The following LCLAT1 variants were observed in gnomAD, a reference collection of about 807,000 sequenced individuals.
LCLAT1 encodes the protein 1-AGP acyltransferase 8.
In LCLAT1, 11 loss-of-function variants were observed where a neutral mutation model predicts 30.7. The ratio of observed to expected loss-of-function variants is 0.36; its 90% CI spans 0.23 to 0.59. LCLAT1 has a LOEUF of 0.59. Among genes scored for constraint, LCLAT1 ranks in the 20% least tolerant of loss-of-function variants. The pLI is 0.77. For synonymous variants in LCLAT1, 155 were observed against 151.3 expected, an observed-to-expected ratio of 1.02 and a Z score of -0.18; for missense variants, 402 against 458.6, an observed-to-expected ratio of 0.88 and a Z score of 1.13.
At chr2:30,577,252 C>T (rs545087823) in intron 5 of LCLAT1, among the ~76,000 whole-genome samples, 17 of 152,080 alleles carry the variant, frequency 1.1e-4, no homozygotes, top group South Asian at 4.1e-4. Context: ...GTTGGCTACT[C>T]GGCACTGCAT....
intron 1 of LCLAT1, among the ~76,000 whole-genome samples, chr2:30,494,853 G>T: frequency 6.8e-6 from 1 of 146,216 alleles, no homozygotes; most frequent in Non-Finnish European, 1.5e-5. Context: ...ATTTATCACT[G>T]ATTTTTCTGT....
intron 3 of LCLAT1, among the ~76,000 whole-genome samples, chr2:30,534,271 G>A (rs1490839714): frequency 1.6e-5 from 2 of 124,798 alleles, no homozygotes; most frequent in South Asian, 2.5e-4. Flanking sequence ...GTGTGTGTGT[G>A]TGTTTGGGAG....
chr2:30,449,564 G>A (rs1014097743), intron 1 of LCLAT1, among the ~76,000 whole-genome samples: 8 of 151,084 alleles, frequency 5.3e-5, no homozygotes, highest in African/African-American at 1.5e-4. Flanking sequence ...GCAATGGCAC[G>A]ATCTCGGCTC....
At chr2:30,559,356 A>T (rs951077822) in intron 3 of LCLAT1, among the ~76,000 whole-genome samples, 1 of 152,212 alleles carries the variant, frequency 6.6e-6, no homozygotes, top group Non-Finnish European at 1.5e-5. Context: ...CTCTATAAAA[A>T]TGTTTAAAAA....
chr2:30,578,881 A>G (rs977743599), intron 5 of LCLAT1, among the ~76,000 whole-genome samples: 6 of 152,174 alleles, frequency 3.9e-5, no homozygotes, highest in African/African-American at 1.4e-4. Context: ...TGACCACAAC[A>G]AGTTCATAAT....
chr2:30,547,940 T>A (rs1664501962), intron 3 of LCLAT1, among the ~76,000 whole-genome samples: 1 of 152,166 alleles, frequency 6.6e-6, no homozygotes, highest in African/African-American at 2.4e-5. Context: ...TTAATGCTAG[T>A]CATGAATGAA....
intron 1 of LCLAT1, among the ~76,000 whole-genome samples, chr2:30,496,160 T>A (rs574431301): frequency 6.6e-6 from 1 of 152,190 alleles, no homozygotes; most frequent in African/African-American, 2.4e-5. Context: ...CATGAGAACT[T>A]ACTCACTATT....
intron 1 of LCLAT1, among the ~76,000 whole-genome samples, chr2:30,478,693 A>T (rs1356313227): frequency 6.9e-6 from 1 of 145,396 alleles, no homozygotes; most frequent in Non-Finnish European, 1.5e-5. Flanking sequence ...ATAGATAGGT[A>T]GGTAGGTAGG....
chr2:30,464,015 T>C (rs1434230855), intron 1 of LCLAT1, among the ~76,000 whole-genome samples: 2 of 152,224 alleles, frequency 1.3e-5, no homozygotes, highest in East Asian at 3.8e-4. Flanking sequence ...TATATGTGTT[T>C]TATAATTTGC....
chr2:30,586,814 G>A (rs1280598994), intron 5 of LCLAT1, among the ~76,000 whole-genome samples: 5 of 151,926 alleles, frequency 3.3e-5, no homozygotes, highest in African/African-American at 1.2e-4. Flanking sequence ...TTGTTCAAAT[G>A]TCTTTAGTCT....
At chr2:30,448,391 C>T (rs1035277802) in intron 1 of LCLAT1, among the ~76,000 whole-genome samples, 1 of 152,146 alleles carries the variant, frequency 6.6e-6, no homozygotes, top group Non-Finnish European at 1.5e-5. Flanking sequence ...TACATCATCA[C>T]TTTTTCGTTT....
chr2:30,605,851 G>GT (rs1558551083), intron 5 of LCLAT1, among the ~76,000 whole-genome samples: 1 of 152,092 alleles, frequency 6.6e-6, no homozygotes, highest in Non-Finnish European at 1.5e-5. Flanking sequence ...CGGGGAGGGA[G>GT]TGGGGGGATG....
chr2:30,463,668 G>C (rs763665595), intron 1 of LCLAT1, among the ~76,000 whole-genome samples: 1 of 152,052 alleles, frequency 6.6e-6, no homozygotes, highest in East Asian at 1.9e-4. Flanking sequence ...GAGTAATTTA[G>C]AGATAAAGTA....
chr2:30,634,540 C>A lies in LCLAT1; in HGVS notation c.629-5577C>A, dbSNP rs531225705. On this transcript the variant is annotated intron_variant, in intron 5 of 5. Coordinates refer to ENST00000379509, the MANE Select transcript of LCLAT1 (RefSeq NM_001002257.3). ...ACTCGGGAGGCTGAGGCAGGAGAAT[C>A]ACTTGAACCCAGGAGTGGAGGTTGC... Among the ~76,000 whole-genome samples the A allele has an allele frequency of 2.6e-5, 4 of 152,270 alleles. No homozygotes were observed. In the South Asian group the frequency reaches 8.3e-4, roughly 32 times the overall value.
chr2:30,481,466 G>C (rs1287247551), intron 1 of LCLAT1, among the ~76,000 whole-genome samples: 1 of 92,098 alleles, frequency 1.1e-5, no homozygotes, highest in East Asian at 4.5e-4. Context: ...TGGTAGAGGA[G>C]GGGGAGCCAA....
intron 3 of LCLAT1, among the ~76,000 whole-genome samples, chr2:30,545,623 G>C (rs1002483601): frequency 1.4e-4 from 21 of 150,090 alleles, no homozygotes; most frequent in Non-Finnish European, 2.5e-4. Context: ...AATTTATTAA[G>C]ATATACAGAA....
Position 30,568,092 on chromosome 2 carries a change from GA to G in LCLAT1, c.551del (p.Asn184MetfsTer21). ...CAAGTCTCGAAGTAATGCATTTGCT[GA>G]AAAAAATGGACTTCAGAAATATGAA... The part of the protein sequence containing the change: ...NSKSRSNAFA[E>X]KNGLQKYEYV... On this transcript the variant is annotated frameshift_variant, in exon 5 of 6. Coordinates refer to ENST00000379509, the MANE Select transcript of LCLAT1 (RefSeq NM_001002257.3). LOFTEE classifies it high-confidence loss of function. 9 of 1,601,288 alleles carry G rather than the reference GA, an allele frequency of 5.6e-6. No individual in the cohort carries two copies. The highest frequency in any genetic ancestry group is 1.7e-5 in the Admixed American group (1 of 58,772).
chr2:30,642,412 T>C lies in LCLAT1; in HGVS notation c.*1793T>C, dbSNP rs1345644653. The C allele has an allele frequency of 1.1e-4, 17 of 149,332 alleles. No individual in the cohort carries two copies. The highest frequency in any genetic ancestry group is 2.0e-4 in the Admixed American group (3 of 15,134). 9.3% of individuals were successfully genotyped at this position (149,332 alleles called of 1,614,324 possible). A position where few individuals can be genotyped will look rare whatever the true frequency, so the allele number is the denominator to read the frequency against. ...TTCTTTTTCTTTTCTTTTTTTTTTT[T>C]TTTTTTTAAAAAAGCACCTTTTTTT... is the stretch of plus-strand genomic sequence containing the variant. On this transcript the variant is annotated 3_prime_UTR_variant, in exon 6 of 6. Coordinates refer to ENST00000379509, the MANE Select transcript of LCLAT1 (RefSeq NM_001002257.3).
chr2:30,469,978 G>A (rs1211013568), intron 1 of LCLAT1, among the ~76,000 whole-genome samples: 4 of 152,192 alleles, frequency 2.6e-5, no homozygotes, highest in East Asian at 3.9e-4. Context: ...TGATCCACCC[G>A]CCTCAGCCTC....
Sources: gnomAD v4.1 joint callset for allele counts (sites outside exome capture counted in the v4.1 genomes callset) on GRCh38, gnomAD v4.1.1 for gene constraint, MANE v1.5 for transcripts, NCBI Gene and HGNC (gene_info 2026-07-23, HGNC 2026-07-21) for gene names.